FAM227B: variants seen among roughly 807,000 people sequenced by gnomAD.
The protein encoded by FAM227B is protein FAM227B.
FAM227B carries 88 observed loss-of-function variants against 73.8 expected under a neutral mutation model. That is an observed-to-expected ratio of 1.19 (90% confidence interval 1.00 to 1.42). The LOEUF (loss-of-function observed/expected upper bound fraction) is 1.42, where lower values mean the gene tolerates loss of function less well. Among genes scored for constraint, FAM227B ranks in the 40% most tolerant of loss-of-function variants. FAM227B has a pLI of 0.00. For synonymous variants in FAM227B, 210 were observed against 190.5 expected, an observed-to-expected ratio of 1.10 and a Z score of -0.84; for missense variants, 632 against 590.9, an observed-to-expected ratio of 1.07 and a Z score of -0.72.
At chr15:49,448,328 C>T (rs1437324380) in intron 11 of FAM227B, among the ~76,000 whole-genome samples, 3 of 150,406 alleles carry the variant, frequency 2.0e-5, no homozygotes, top group South Asian at 2.1e-4. Flanking sequence ...ATTCTTTTTT[C>T]TCTTCCCTTC....
intron 13 of FAM227B, among the ~76,000 whole-genome samples, chr15:49,345,239 AATT>A (rs1465440896): frequency 6.6e-6 from 1 of 152,272 alleles, no homozygotes; most frequent in African/African-American, 2.4e-5. Context: ...ATTTCTTATA[AATT>A]ATTAATTTTG....
intron 10 of FAM227B, among the ~76,000 whole-genome samples, chr15:49,535,393 A>G (rs982297630): frequency 1.3e-5 from 2 of 151,810 alleles, no homozygotes; most frequent in African/African-American, 4.8e-5. Flanking sequence ...AAGCTGGAAC[A>G]TACCAACAAC....
At chr15:49,429,685 T>G (rs12594827) in intron 11 of FAM227B, among the ~76,000 whole-genome samples, 3,660 of 151,990 alleles carry the variant, frequency 0.024, 115 homozygotes, top group South Asian at 0.15. Flanking sequence ...CTGATGCCAG[T>G]TTCCACCCAC....
intron 11 of FAM227B, among the ~76,000 whole-genome samples, chr15:49,451,430 G>C (rs1456882565): frequency 6.6e-6 from 1 of 151,944 alleles, no homozygotes; most frequent in Non-Finnish European, 1.5e-5. Context: ...AGAAGTCTAT[G>C]CATTGCTGAC....
At chr15:49,442,620 T>C (rs2051773389) in intron 11 of FAM227B, among the ~76,000 whole-genome samples, 1 of 151,732 alleles carries the variant, frequency 6.6e-6, no homozygotes, top group South Asian at 2.1e-4. Context: ...GTGCTTTGCA[T>C]AGAGTAGTTA....
rs2072402519 is a variant in FAM227B, at chr15:49,549,111, GT to G, written c.748-7306del. On this transcript the variant is annotated intron_variant, in intron 9 of 15. Transcript: ENST00000299338. ...CATTGTTAGAGACTGTTTCTTTGAA[GT>G]TGTTCTTTATTGATGTAGGCACTTA... Among the ~76,000 whole-genome samples the G allele has an allele frequency of 2.6e-5, 4 of 152,000 alleles. No homozygotes were observed. In the South Asian group the frequency reaches 8.3e-4, roughly 32 times the overall value.
At chr15:49,608,886 T>A (rs1013584327) in intron 3 of FAM227B, among the ~76,000 whole-genome samples, 1 of 151,890 alleles carries the variant, frequency 6.6e-6, no homozygotes, top group South Asian at 2.1e-4. Context: ...AAATCAAAAG[T>A]ATAATATATA....
chr15:49,566,602 G>T (rs887531263), intron 9 of FAM227B, among the ~76,000 whole-genome samples: 3 of 152,054 alleles, frequency 2.0e-5, no homozygotes, highest in African/African-American at 2.4e-5. Flanking sequence ...TAAATCAGAT[G>T]AGTTAATAGT....
At chr15:49,611,367 T>A in intron 2 of FAM227B, 99 bp from the exon 3 acceptor site, 1 of 623,138 alleles carries the variant, frequency 1.6e-6, no homozygotes, top group East Asian at 2.9e-5. Context: ...ACTCTATTTA[T>A]CATTTTCAGA....
intron 7 of FAM227B, among the ~76,000 whole-genome samples, chr15:49,575,418 G>A (rs1372951650): frequency 1.3e-5 from 2 of 151,242 alleles, no homozygotes; most frequent in Admixed American, 6.6e-5. Flanking sequence ...TTTGAAATAC[G>A]GTATATATTT....
At chr15:49,524,139 C>T (rs570621966) in intron 10 of FAM227B, among the ~76,000 whole-genome samples, 10 of 152,292 alleles carry the variant, frequency 6.6e-5, no homozygotes, top group African/African-American at 2.4e-4. Flanking sequence ...TAATCCCCAA[C>T]AGAATGGGGA....
chr15:49,356,100 TG>T (rs1411779832), intron 13 of FAM227B, among the ~76,000 whole-genome samples: 1 of 151,708 alleles, frequency 6.6e-6, no homozygotes, highest in Non-Finnish European at 1.5e-5. Context: ...GCACTAAACA[TG>T]GAAAGGAACA....
At chr15:49,522,996 T>A (rs1173021489) in intron 10 of FAM227B, among the ~76,000 whole-genome samples, 1 of 150,676 alleles carries the variant, frequency 6.6e-6, no homozygotes, top group Non-Finnish European at 1.5e-5. Flanking sequence ...AGACTCTCCA[T>A]CTCTACTCTC....
intron 11 of FAM227B, among the ~76,000 whole-genome samples, chr15:49,454,326 C>T (rs2053065930): frequency 6.6e-6 from 1 of 152,076 alleles, no homozygotes. Context: ...TCCCCCTTTC[C>T]AGTTTAATTC....
At chr15:49,508,175 C>A in intron 11 of FAM227B, 36 bp downstream of exon 11, 1 of 1,578,260 alleles carries the variant, frequency 6.3e-7, no homozygotes, top group Non-Finnish European at 8.6e-7. Flanking sequence ...TTTTTGCTAC[C>A]TATTCCATTT....
At chr15:49,344,505 A>C (rs1026440797) in intron 13 of FAM227B, among the ~76,000 whole-genome samples, 1 of 152,132 alleles carries the variant, frequency 6.6e-6, no homozygotes, top group Non-Finnish European at 1.5e-5. Flanking sequence ...TCTCATCCCC[A>C]ATTGTGTGTT....
intron 11 of FAM227B, among the ~76,000 whole-genome samples, chr15:49,412,697 T>C (rs754333183): frequency 1.1e-4 from 17 of 152,116 alleles, no homozygotes; most frequent in Admixed American, 1.3e-4. Context: ...ATATGCTGGT[T>C]GTCAGAGACA....
chr15:49,515,969 A>G (rs535203305), intron 10 of FAM227B, among the ~76,000 whole-genome samples: 2 of 151,980 alleles, frequency 1.3e-5, no homozygotes, highest in Non-Finnish European at 2.9e-5. Context: ...GGTCTTCTCA[A>G]TGATCCAGAG....
At position 49,328,094 on chromosome 15, in the gene FAM227B, C is replaced by A. The variant is rs984738916; in HGVS notation, c.*474G>T. ...CCAGAGGAGTGATGGAAGCTTAGCA[C>A]CGGAGAAGCAAAGTTTGTTTGCTAC... On this transcript the variant is annotated 3_prime_UTR_variant, in exon 16 of 16. Coordinates refer to ENST00000299338, the MANE Select transcript of FAM227B (RefSeq NM_152647.3). 6.2e-7 allele frequency: 1 copy of A among 1,613,982 alleles called. No homozygotes were observed. The highest frequency in any genetic ancestry group is 8.5e-7 in the Non-Finnish European group (1 of 1,179,960).
Sources: gnomAD v4.1 joint callset for allele counts (sites outside exome capture counted in the v4.1 genomes callset) on GRCh38, gnomAD v4.1.1 for gene constraint, MANE v1.5 for transcripts, NCBI Gene and HGNC (gene_info 2026-07-23, HGNC 2026-07-21) for gene names.